The following DLG2 variants were observed in gnomAD, a reference collection of about 807,000 sequenced individuals.
The protein encoded by DLG2 is discs large MAGUK scaffold protein 2, also known as disks large homolog 2.
A neutral mutation model predicts 132.5 loss-of-function variants in DLG2; 45 were observed. That is an observed-to-expected ratio of 0.34 (90% confidence interval 0.27 to 0.44). DLG2 has a LOEUF of 0.44. Among genes scored for constraint, DLG2 ranks in the 20% least tolerant of loss-of-function variants. The pLI, the probability that DLG2 is intolerant of heterozygous loss-of-function variation, is 1.00. For synonymous variants in DLG2, 424 were observed against 419.6 expected (o/e 1.01, Z -0.13); for missense variants, 1,045 against 1,196.9 (o/e 0.87, Z 1.87).
At chr11:84,860,963 A>T (rs955610686) in intron 6 of DLG2, among the ~76,000 whole-genome samples, 28 of 152,180 alleles carry the variant, frequency 1.8e-4, no homozygotes, top group African/African-American at 6.3e-4. Flanking sequence ...TCCAGTAAAT[A>T]TTTACTGAAC....
At chr11:84,180,978 G>C (rs2096108398) in intron 8 of DLG2, among the ~76,000 whole-genome samples, 1 of 151,818 alleles carries the variant, frequency 6.6e-6, no homozygotes, top group Admixed American at 6.6e-5. Flanking sequence ...CATAAAGAAA[G>C]AAAGAGCTCT....
intron 6 of DLG2, among the ~76,000 whole-genome samples, chr11:84,692,179 A>C (rs563829682): frequency 6.6e-6 from 1 of 151,830 alleles, no homozygotes; most frequent in South Asian, 2.1e-4. Flanking sequence ...AAAATTCCCC[A>C]AACTCAGGAC....
chr11:83,909,460 G>A (rs1353637486), intron 15 of DLG2, among the ~76,000 whole-genome samples: 1 of 152,166 alleles, frequency 6.6e-6, no homozygotes, highest in African/African-American at 2.4e-5. Context: ...AACTGACAAT[G>A]GAAGCCACTG....
chr11:84,192,273 T>C (rs183472818), intron 8 of DLG2, among the ~76,000 whole-genome samples: 34 of 152,306 alleles, frequency 2.2e-4, no homozygotes, highest in Admixed American at 2.6e-4. Context: ...GGCCTCCACA[T>C]AATGGTAAGA....
chr11:84,545,627 A>C, intron 6 of DLG2: 1 of 323,860 alleles, frequency 3.1e-6, no homozygotes, highest in Non-Finnish European at 6.1e-6. Context: ...AATCTTATTC[A>C]TAGAGTCATG....
chr11:83,850,028 G>T (rs1010008367), intron 16 of DLG2, among the ~76,000 whole-genome samples: 27 of 152,058 alleles, frequency 1.8e-4, no homozygotes, highest in African/African-American at 6.5e-4. Context: ...TACAATTTAG[G>T]TCCTGACTTA....
chr11:85,073,061 GAACA>G (rs2066089544), intron 6 of DLG2, among the ~76,000 whole-genome samples: 2 of 151,688 alleles, frequency 1.3e-5, no homozygotes, highest in African/African-American at 2.4e-5. Flanking sequence ...AAAATATGAA[GAACA>G]AAGATGGCCA....
Position 84,254,682 on chromosome 11 carries a change from A to G in DLG2, c.520-3391T>C, listed in dbSNP as rs147867737. ...ACTTAACTAAATTCAGCTTTTATAA[A>G]ATAATAATTAATAATTTCATAACTC... On this transcript the variant is annotated intron_variant, in intron 7 of 27. Coordinates refer to ENST00000376104, the MANE Select transcript of DLG2 (RefSeq NM_001142699.3). 9.5e-4 allele frequency among the ~76,000 whole-genome samples: 144 copies of G among 152,304 alleles called. 1 individual carries two copies. Among genetic ancestry groups the G allele is most frequent in the Middle Eastern group, 3.4e-3 (1 of 294 alleles).
chr11:85,003,591 T>C (rs974208253), intron 6 of DLG2, among the ~76,000 whole-genome samples: 2 of 152,154 alleles, frequency 1.3e-5, no homozygotes, highest in Non-Finnish European at 2.9e-5. Flanking sequence ...CTAGGAGAAT[T>C]ATTTTTCTTT....
At chr11:85,180,018 C>G (rs976768645) in intron 4 of DLG2, among the ~76,000 whole-genome samples, 1 of 151,842 alleles carries the variant, frequency 6.6e-6, no homozygotes, top group East Asian at 1.9e-4. Context: ...AGAGTTTAAC[C>G]TTTGTGACCA....
chr11:83,700,044 C>T (rs73509247), intron 18 of DLG2, among the ~76,000 whole-genome samples: 424 of 151,020 alleles, frequency 2.8e-3, no homozygotes, highest in African/African-American at 9.2e-3. Flanking sequence ...CTTTGTGAGA[C>T]GAATGAGGGC....
At chr11:83,643,246 C>T (rs896982026) in intron 18 of DLG2, among the ~76,000 whole-genome samples, 4 of 152,126 alleles carry the variant, frequency 2.6e-5, no homozygotes, top group Admixed American at 1.3e-4. Flanking sequence ...AGATTCCTGT[C>T]TTAGCTGTAA....
chr11:85,188,377 C>T (rs1457114028), intron 4 of DLG2, among the ~76,000 whole-genome samples: 1 of 152,092 alleles, frequency 6.6e-6, no homozygotes, highest in South Asian at 2.1e-4. Context: ...AAACAAAACA[C>T]AAGCAATAAC....
chr11:83,806,967 C>G (rs2046061938), intron 17 of DLG2, among the ~76,000 whole-genome samples: 1 of 152,290 alleles, frequency 6.6e-6, no homozygotes, highest in South Asian at 2.1e-4. Context: ...TATACTGGAG[C>G]TGCCATCTTG....
intron 5 of DLG2, chr11:85,132,840 G>A (rs1186973129): frequency 6.6e-6 from 3 of 456,578 alleles, no homozygotes; most frequent in Non-Finnish European, 1.3e-5. Context: ...AATCACACCA[G>A]CAAATCAGCA....
At position 84,372,001 on chromosome 11, in the gene DLG2, G is replaced by T. The variant is rs191002117; in HGVS notation, c.520-120710C>A. Among the ~76,000 whole-genome samples the T allele has an allele frequency of 2.2e-3, 333 of 152,230 alleles. 3 individuals are homozygous for T. Among genetic ancestry groups the T allele is most frequent in the African/African-American group, 7.1e-3 (294 of 41,548 alleles). On this transcript the variant is annotated intron_variant, in intron 7 of 27. Coordinates refer to ENST00000376104, the MANE Select transcript of DLG2 (RefSeq NM_001142699.3). Reference sequence around the variant, plus strand: ...ATTGCATGTTCAGATCTTCTTGTTAGGTGTCAGACCTTTGGCATTTACTTT... The same window carrying T: ...ATTGCATGTTCAGATCTTCTTGTTATGTGTCAGACCTTTGGCATTTACTTT...
intron 7 of DLG2, among the ~76,000 whole-genome samples, chr11:84,304,758 C>A (rs2098196589): frequency 6.6e-6 from 1 of 152,126 alleles, no homozygotes; most frequent in South Asian, 2.1e-4. Context: ...AAAAATAATT[C>A]TTAGCTCTGG....
At chr11:83,733,285 A>T (rs2091351187) in intron 18 of DLG2, among the ~76,000 whole-genome samples, 1 of 151,590 alleles carries the variant, frequency 6.6e-6, no homozygotes, top group Admixed American at 6.6e-5. Flanking sequence ...AAGGAAAAAG[A>T]AATTGAGTCA....
intron 3 of DLG2, among the ~76,000 whole-genome samples, chr11:85,332,657 T>A (rs2081844821): frequency 6.6e-6 from 1 of 152,182 alleles, no homozygotes; most frequent in Admixed American, 6.5e-5. Context: ...GGGGTCCAGT[T>A]TCAATCTTCT....
Sources: gnomAD v4.1 joint callset for allele counts (sites outside exome capture counted in the v4.1 genomes callset) on GRCh38, gnomAD v4.1.1 for gene constraint, MANE v1.5 for transcripts, NCBI Gene and HGNC (gene_info 2026-07-23, HGNC 2026-07-21) for gene names.